The following CNTFR variants were observed in gnomAD, a reference collection of about 807,000 sequenced individuals.
CNTFR encodes the protein ciliary neurotrophic factor receptor subunit alpha.
In CNTFR, 12 loss-of-function variants were observed where a neutral mutation model predicts 40.4. The observed-to-expected ratio is 0.30, with a 90% CI of 0.19 to 0.48. The LOEUF is 0.48. Ranked by LOEUF, CNTFR falls within the 20% of genes least tolerant of loss-of-function variation. The pLI is 0.99. For missense variants in CNTFR, 414 were observed against 506.8 expected (o/e 0.82, Z 1.76); for synonymous variants, 202 against 209.6 (o/e 0.96, Z 0.31).
At chr9:34,567,131 C>G (rs1449121960) in intron 3 of CNTFR, among the ~76,000 whole-genome samples, 7 of 152,120 alleles carry the variant, frequency 4.6e-5, no homozygotes. Context: ...CGTGGGTGCC[C>G]CTACTGATGT....
intron 4 of CNTFR, among the ~76,000 whole-genome samples, chr9:34,560,235 G>C (rs911778399): frequency 2.6e-5 from 4 of 152,218 alleles, no homozygotes; most frequent in Non-Finnish European, 2.9e-5. Context: ...GATGCCTGTT[G>C]TGAGTGTGTT....
chr9:34,573,848 C>A (rs918281313), intron 2 of CNTFR, among the ~76,000 whole-genome samples: 42 of 152,212 alleles, frequency 2.8e-4, no homozygotes, highest in Admixed American at 2.6e-4. Flanking sequence ...CTCAGACCTG[C>A]AGAGGAATTA....
At chr9:34,559,090 C>G (rs1825963955) in intron 4 of CNTFR, among the ~76,000 whole-genome samples, 1 of 152,148 alleles carries the variant, frequency 6.6e-6, no homozygotes, top group Non-Finnish European at 1.5e-5. Flanking sequence ...CTGTGCCTCC[C>G]CCCTCCCCCG....
Position 34,557,765 on chromosome 9 carries a change from A to G in CNTFR, c.438-73T>C. ...GTGGGGCAGAGGTTGAGGAAAGGTC[A>G]AGCCCAAGGCAGGGCTGGGGTATGG... On this transcript the variant is annotated intron_variant, in intron 5 of 9. Coordinates refer to ENST00000378980, the MANE Select transcript of CNTFR (RefSeq NM_147164.3). The surrounding 1 kb of genome is among the most constrained non-coding windows in gnomAD (Gnocchi z 4.2). The G allele has an allele frequency of 6.3e-7, 1 of 1,594,072 alleles. No homozygotes were observed.
chr9:34,563,660 T>G (rs1482846273), intron 4 of CNTFR, among the ~76,000 whole-genome samples: 1 of 152,200 alleles, frequency 6.6e-6, no homozygotes, highest in Non-Finnish European at 1.5e-5. Context: ...TTCCTTCCGT[T>G]TTCTTCCTGT....
At position 34,555,800 on chromosome 9, in the gene CNTFR, C is replaced by A. The variant is rs372719345; in HGVS notation, c.768+455G>T. Among the ~76,000 whole-genome samples, 7 of 152,138 alleles carry A rather than the reference C, an allele frequency of 4.6e-5. No homozygotes were observed. The East Asian group carries it at 7.8e-4, about 17-fold the overall frequency. On this transcript the variant is annotated intron_variant, in intron 7 of 9. Transcript: ENST00000378980. Reference sequence around the variant, plus strand: ...CCTGTCCCTTGGGGCCAGCACAAGCCCAGAGCCTGGGCCAGAGTGTAAAGA... The same window carrying A: ...CCTGTCCCTTGGGGCCAGCACAAGCACAGAGCCTGGGCCAGAGTGTAAAGA...
At chr9:34,553,624 G>A (rs1006058153) in intron 7 of CNTFR, among the ~76,000 whole-genome samples, 2 of 152,156 alleles carry the variant, frequency 1.3e-5, no homozygotes, top group Non-Finnish European at 2.9e-5. Context: ...GAAAGGGGTG[G>A]GGGACAGCCC....
At chr9:34,572,711 C>T (rs1826731319) in intron 2 of CNTFR, among the ~76,000 whole-genome samples, 1 of 152,248 alleles carries the variant, frequency 6.6e-6, no homozygotes, top group African/African-American at 2.4e-5. Context: ...ATGATAACAA[C>T]ACCCATTGAA....
chr9:34,588,102 G>A (rs1797624077), intron 1 of CNTFR, among the ~76,000 whole-genome samples: 1 of 152,080 alleles, frequency 6.6e-6, no homozygotes, highest in African/African-American at 2.4e-5. Context: ...GTAGGCTCAG[G>A]GTCTCAGTTG....
chr9:34,586,300 CTG>C (rs1827543291), intron 1 of CNTFR, among the ~76,000 whole-genome samples: 1 of 152,206 alleles, frequency 6.6e-6, no homozygotes. Flanking sequence ...CCCAGAGACA[CTG>C]TGAGACACGC....
chr9:34,579,544 C>T (rs997474237), intron 2 of CNTFR, among the ~76,000 whole-genome samples: 10 of 151,764 alleles, frequency 6.6e-5, no homozygotes, highest in African/African-American at 2.4e-4. Context: ...TGAGATAAGA[C>T]ACTGAGGGCG....
At chr9:34,575,812 A>G (rs4879806) in intron 2 of CNTFR, among the ~76,000 whole-genome samples, 148,890 of 152,194 alleles carry the variant, frequency 0.98, 72,915 homozygotes, top group East Asian at 1. Context: ...AAGAAGCTTC[A>G]AATGTCTTCT....
At chr9:34,568,624 C>G (rs547528863) in intron 3 of CNTFR, among the ~76,000 whole-genome samples, 16 of 152,190 alleles carry the variant, frequency 1.1e-4, no homozygotes, top group African/African-American at 3.9e-4. Flanking sequence ...CAGCCTCCCC[C>G]GTCAACTCCC....
intron 2 of CNTFR, among the ~76,000 whole-genome samples, chr9:34,574,853 G>A (rs540827503): frequency 1.3e-4 from 20 of 152,344 alleles, no homozygotes; most frequent in African/African-American, 4.1e-4. Context: ...GTGTGCGGGC[G>A]TGTTGTTGGG....
At chr9:34,555,950 C>A (rs543959011) in intron 7 of CNTFR, among the ~76,000 whole-genome samples, 1 of 137,428 alleles carries the variant, frequency 7.3e-6, no homozygotes, top group Non-Finnish European at 1.6e-5. Flanking sequence ...CTCCCTCCCC[C>A]ACCATCTCCC....
Position 34,568,570 on chromosome 9 carries a change from C to T in CNTFR, c.85+327G>A, listed in dbSNP as rs80285014. On this transcript the variant is annotated intron_variant, in intron 3 of 9. Coordinates refer to ENST00000378980, the MANE Select transcript of CNTFR (RefSeq NM_147164.3). ...CCTCCAACTGCACCCCACAAATCTC[C>T]GAGAGATCCCCTTTCACCCAGATAC... Among the ~76,000 whole-genome samples the T allele has an allele frequency of 3.5e-3, 534 of 152,236 alleles. 2 individuals carry two copies. The highest frequency in any genetic ancestry group is 0.012 in the African/African-American group (505 of 41,530).
At chr9:34,574,592 C>G (rs1361299263) in intron 2 of CNTFR, among the ~76,000 whole-genome samples, 1 of 152,216 alleles carries the variant, frequency 6.6e-6, no homozygotes, top group Non-Finnish European at 1.5e-5. Flanking sequence ...AGGAGGGAGG[C>G]AGGGGGAGTG....
chr9:34,557,862 C>T lies in CNTFR; in HGVS notation c.437+5G>A. Reference sequence around the variant, plus strand: ...TGGACCCGGGTCACAGGCGCAGCTACTCACAGCACAGTCACATTGAAGGTG... The same window carrying T: ...TGGACCCGGGTCACAGGCGCAGCTATTCACAGCACAGTCACATTGAAGGTG... On this transcript the variant is annotated splice_donor_5th_base_variant and intron_variant, in intron 5 of 9. Coordinates refer to ENST00000378980, the MANE Select transcript of CNTFR (RefSeq NM_147164.3). This position sits in a 1 kb window ranked among gnomAD's most constrained non-coding sequence, Gnocchi z 4.2. 6.4e-7 allele frequency: 1 copy of T among 1,560,046 alleles called. No individual in the cohort carries two copies. Among genetic ancestry groups the T allele is most frequent in the Non-Finnish European group, 8.7e-7 (1 of 1,151,124 alleles).
intron 3 of CNTFR, among the ~76,000 whole-genome samples, chr9:34,566,677 G>A (rs995576777): frequency 6.6e-6 from 1 of 152,142 alleles, no homozygotes; most frequent in Non-Finnish European, 1.5e-5. Context: ...GGGAGGGGGC[G>A]TGGCCATCAT....
Sources: gnomAD v4.1 joint callset for allele counts (sites outside exome capture counted in the v4.1 genomes callset) on GRCh38, gnomAD v4.1.1 for gene constraint, Gnocchi (gnomAD v3.1) non-coding constraint, MANE v1.5 for transcripts, NCBI Gene and HGNC (gene_info 2026-07-23, HGNC 2026-07-21) for gene names.